The following CCDC171 variants were observed in gnomAD, a reference collection of about 807,000 sequenced individuals.
CCDC171 encodes coiled-coil domain-containing protein 171.
CCDC171 carries 177 observed loss-of-function variants against 168.2 expected under a neutral mutation model. The observed-to-expected ratio is 1.05, with a 90% CI of 0.93 to 1.19. The LOEUF is 1.19. CCDC171 is among the 50% of genes most tolerant of loss of function. The pLI is 0.00. For missense variants in CCDC171, 1,991 were observed against 1,539.0 expected, an observed-to-expected ratio of 1.29 and a Z score of -4.91; for synonymous variants, 687 against 540.8, an observed-to-expected ratio of 1.27 and a Z score of -3.75.
intron 24 of CCDC171, among the ~76,000 whole-genome samples, chr9:15,918,653 T>TATTC (rs1824882078): frequency 6.6e-6 from 1 of 150,750 alleles, no homozygotes. Flanking sequence ...ATATGTCAGA[T>TATTC]ATTCCCAGGT....
intron 9 of CCDC171, 77 bp from the exon 10 acceptor site, chr9:15,678,681 C>CATAT (rs2049816258): frequency 8.4e-7 from 1 of 1,189,136 alleles, no homozygotes; most frequent in Non-Finnish European, 1.2e-6. Flanking sequence ...GTACATCTGC[C>CATAT]ATATGTATTA....
chr9:15,741,319 C>T (rs572325825), intron 16 of CCDC171, among the ~76,000 whole-genome samples: 1 of 152,080 alleles, frequency 6.6e-6, no homozygotes, highest in Non-Finnish European at 1.5e-5. Flanking sequence ...CTCTGGTGAC[C>T]AAAAATGTGT....
chr9:15,867,016 G>A (rs141333114), intron 23 of CCDC171, among the ~76,000 whole-genome samples: 67 of 152,116 alleles, frequency 4.4e-4, no homozygotes, highest in Middle Eastern at 3.4e-3. Flanking sequence ...ACTAAAAATA[G>A]CATCTGTATT....
chr9:16,091,040 A>G, the CCDC171 span, among the ~76,000 whole-genome samples: 1 of 151,994 alleles, frequency 6.6e-6, no homozygotes, highest in Non-Finnish European at 1.5e-5. Context: ...TTCCCTTTCT[A>G]ACAGACTTGG....
At chr9:15,778,447 T>G (rs1265353532) in intron 19 of CCDC171, among the ~76,000 whole-genome samples, 1 of 149,314 alleles carries the variant, frequency 6.7e-6, no homozygotes, top group Non-Finnish European at 1.5e-5. Context: ...AAGAACAGCC[T>G]GGCCAACATG....
At chr9:16,001,385 T>C (rs1832539644) in intron 3 of CCDC171, among the ~76,000 whole-genome samples, 1 of 151,628 alleles carries the variant, frequency 6.6e-6, no homozygotes, top group Non-Finnish European at 1.5e-5. Flanking sequence ...GTAAGGAGGG[T>C]TTTCTCATAT....
Position 15,744,537 on chromosome 9 carries a change from C to G in CCDC171, c.2314C>G (p.Leu772Val), listed in dbSNP as rs775541436. The G allele has an allele frequency of 5.6e-6, 9 of 1,614,168 alleles. No individual in the cohort carries two copies. In the Middle Eastern group the frequency reaches 1.2e-3, roughly 207 times the overall value. The change falls in exon 17 of 26, where the codon CTA (leucine) becomes GTA (valine). Residue 772 changes from leucine to valine, a missense_variant. Transcript: ENST00000380701. ...GTTGTTCAAACTGGAAATTAGAACT[C>G]TAGCCCAGGCTTTGTCAACTGTAGA... is the stretch of plus-strand genomic sequence containing the variant. Reference protein sequence around the residue: ...FELFKLEIRTLAQALSTVEEK... With the variant: ...FELFKLEIRTVAQALSTVEEK...
At chr9:16,095,177 C>T in the CCDC171 span, among the ~76,000 whole-genome samples, 1 of 152,148 alleles carries the variant, frequency 6.6e-6, no homozygotes, top group Non-Finnish European at 1.5e-5. Context: ...TGAGAAGGGA[C>T]TAATATAGCA....
rs1831527043 is a variant in CCDC171 at position 15,973,533 on chromosome 9, A to G, written c.*1697A>G. 1 of 152,192 alleles carries G rather than the reference A, an allele frequency of 6.6e-6. No individual in the cohort carries two copies. Among genetic ancestry groups the G allele is most frequent in the Non-Finnish European group, 1.5e-5 (1 of 68,026 alleles). The allele number at this position is 152,192 out of a possible 1,614,324, so 9.4% of individuals were successfully genotyped here. A position where few individuals can be genotyped will look rare whatever the true frequency, so the allele number is the denominator to read the frequency against. On this transcript the variant is annotated 3_prime_UTR_variant, in exon 26 of 26. Coordinates refer to ENST00000380701, the MANE Select transcript of CCDC171 (RefSeq NM_173550.4). ...TGAACCACTATAATTAGCTTTATAT[A>G]AAACTTTAGAAAGCTTATATGGAGT...
At chr9:15,688,539 T>C (rs747809511) in intron 10 of CCDC171, among the ~76,000 whole-genome samples, 1 of 152,212 alleles carries the variant, frequency 6.6e-6, no homozygotes, top group Non-Finnish European at 1.5e-5. Flanking sequence ...GTGGGATTTA[T>C]CTCAGGAATG....
chr9:15,742,777 A>G lies in CCDC171; in HGVS notation c.2050-1496A>G, dbSNP rs114435748. On this transcript the variant is annotated intron_variant, in intron 16 of 25. Transcript: ENST00000380701. ...ATTTACTTGTCTCTTTTCCGAGTAC[A>G]TGTGATTTAGTAACTAATCAATACT... is the stretch of plus-strand genomic sequence containing the variant. 9.2e-4 allele frequency among the ~76,000 whole-genome samples: 140 copies of G among 152,270 alleles called. 1 individual carries two copies. Among genetic ancestry groups the G allele is most frequent in the African/African-American group, 3.0e-3 (124 of 41,546 alleles).
chr9:15,673,717 A>T (rs1401489330), intron 9 of CCDC171, among the ~76,000 whole-genome samples: 1 of 152,168 alleles, frequency 6.6e-6, no homozygotes, highest in Non-Finnish European at 1.5e-5. Flanking sequence ...CGTGGTGGAT[A>T]AGCTTTTTGA....
At chr9:16,090,625 A>G in the CCDC171 span, among the ~76,000 whole-genome samples, 5 of 152,150 alleles carry the variant, frequency 3.3e-5, no homozygotes, top group African/African-American at 4.8e-5. Context: ...AAGGAAACCA[A>G]TGGTGGCCTC....
intron 1 of CCDC171, among the ~76,000 whole-genome samples, chr9:15,561,963 G>T (rs1010782612): frequency 6.6e-6 from 1 of 151,978 alleles, no homozygotes; most frequent in Non-Finnish European, 1.5e-5. Context: ...TTGCCATGTG[G>T]CTTCTTCCAT....
At chr9:15,666,807 C>T (rs531648742) in intron 9 of CCDC171, among the ~76,000 whole-genome samples, 8 of 152,204 alleles carry the variant, frequency 5.3e-5, no homozygotes, top group Admixed American at 5.2e-4. Context: ...GCTAAGATTT[C>T]TAAGTCACAT....
intron 23 of CCDC171, among the ~76,000 whole-genome samples, chr9:15,862,061 C>T (rs2061583434): frequency 6.6e-6 from 1 of 151,356 alleles, no homozygotes; most frequent in Non-Finnish European, 1.5e-5. Flanking sequence ...TGTCATGTTA[C>T]TGCCTTCTGG....
chr9:15,845,032 C>T (rs986797531), intron 21 of CCDC171, among the ~76,000 whole-genome samples: 10 of 152,000 alleles, frequency 6.6e-5, no homozygotes, highest in African/African-American at 2.4e-4. Flanking sequence ...CAAGCTTTAT[C>T]CATAACTGGT....
At chr9:15,700,900 G>C (rs954723065) in intron 11 of CCDC171, among the ~76,000 whole-genome samples, 34 of 145,476 alleles carry the variant, frequency 2.3e-4, no homozygotes, top group African/African-American at 7.5e-4. Context: ...CCCATTATTA[G>C]TTTTTTTTTT....
chr9:15,819,240 T>C lies in CCDC171; in HGVS notation c.3268-27462T>C, dbSNP rs567297246. On this transcript the variant is annotated intron_variant, in intron 21 of 25. Coordinates refer to ENST00000380701, the MANE Select transcript of CCDC171 (RefSeq NM_173550.4). ...ACTGGTACTAGCCACTGCCAAAACA[T>C]GCCAAATTGTAAAGACCATCGAGGC... Among the ~76,000 whole-genome samples, 36 of 117,752 alleles carry C rather than the reference T, an allele frequency of 3.1e-4. 8 individuals carry two copies. The highest frequency in any genetic ancestry group is 9.6e-4 in the African/African-American group (30 of 31,344). 77.2% of individuals were successfully genotyped at this position (117,752 alleles called of 152,430 possible).
Sources: allele counts gnomAD v4.1 joint callset (sites outside exome capture counted in the v4.1 genomes callset), GRCh38; gene constraint gnomAD v4.1.1; transcripts MANE v1.5; gene names NCBI Gene and HGNC (gene_info 2026-07-23, HGNC 2026-07-21).